PRICKLE2: variants seen among roughly 807,000 people sequenced by gnomAD.
PRICKLE2 encodes the protein prickle-like protein 2.
In PRICKLE2, 21 loss-of-function variants were observed where a neutral mutation model predicts 81.4. The observed-to-expected ratio is 0.26, with a 90% CI of 0.18 to 0.37. The LOEUF (loss-of-function observed/expected upper bound fraction) is 0.37, where lower values mean the gene tolerates loss of function less well. PRICKLE2 is among the 10% of genes least tolerant of loss of function. The pLI, the probability that PRICKLE2 is intolerant of heterozygous loss-of-function variation, is 1.00. For synonymous variants in PRICKLE2, 456 were observed against 421.5 expected, an observed-to-expected ratio of 1.08 and a Z score of -1.00; for missense variants, 940 against 1,109.0, an observed-to-expected ratio of 0.85 and a Z score of 2.16.
At chr3:64,179,008 TTTCTTTCTTTCTTTCTTTCTTTCTTTC>T (rs2078076698) in intron 2 of PRICKLE2, among the ~76,000 whole-genome samples, 1 of 147,952 alleles carries the variant, frequency 6.8e-6, no homozygotes, top group Non-Finnish European at 1.5e-5. Flanking sequence ...TCTTTCTTTC[TTTCTTTCTTTCTTTCTTTCTTTCTTTC>T]TTTTCTTTCC....
At chr3:64,194,865 G>C (rs997351032) in intron 2 of PRICKLE2, among the ~76,000 whole-genome samples, 2 of 151,908 alleles carry the variant, frequency 1.3e-5, no homozygotes, top group East Asian at 1.9e-4. Flanking sequence ...AACATAGTGA[G>C]ACCCCCTTCT....
At chr3:64,266,566 T>C (rs1314826033) in intron 2 of PRICKLE2, among the ~76,000 whole-genome samples, 1 of 152,176 alleles carries the variant, frequency 6.6e-6, no homozygotes, top group Admixed American at 6.5e-5. Context: ...TATAAATTCT[T>C]CACTGCCCAG....
At position 64,163,136 on chromosome 3, in the gene PRICKLE2, G is replaced by A. The variant is rs1559550110; in HGVS notation, c.145-7C>T. ...AGCTATAGTACTGGTGTACCTGAAG[G>A]ACAGAAAGCATATAGATGACTTGCC... On this transcript the variant is annotated splice_region_variant and splice_polypyrimidine_tract_variant and intron_variant, in intron 2 of 7. Coordinates refer to ENST00000638394, the MANE Select transcript of PRICKLE2 (RefSeq NM_198859.4). 2 of 1,530,506 alleles carry A rather than the reference G, an allele frequency of 1.3e-6. No individual in the cohort carries two copies. Among genetic ancestry groups the A allele is most frequent in the Non-Finnish European group, 1.8e-6 (2 of 1,103,872 alleles). The allele number at this position is 1,530,506 out of a possible 1,614,324, so 94.8% of individuals were successfully genotyped here.
chr3:64,240,965 G>A (rs1283638845), intron 2 of PRICKLE2, among the ~76,000 whole-genome samples: 1 of 152,150 alleles, frequency 6.6e-6, no homozygotes, highest in Non-Finnish European at 1.5e-5. Context: ...TGGTGGCATG[G>A]AGCTGGAATT....
At chr3:64,140,622 G>A (rs2077345501) in intron 7 of PRICKLE2, among the ~76,000 whole-genome samples, 1 of 152,182 alleles carries the variant, frequency 6.6e-6, no homozygotes, top group South Asian at 2.1e-4. Context: ...CCTGGTCCCA[G>A]TGTGTGGCTT....
intron 7 of PRICKLE2, among the ~76,000 whole-genome samples, chr3:64,122,679 G>A (rs1400574139): frequency 6.6e-6 from 1 of 152,116 alleles, no homozygotes; most frequent in African/African-American, 2.4e-5. Flanking sequence ...TCTGTGACCT[G>A]CCAAAGCCCC....
intron 2 of PRICKLE2, among the ~76,000 whole-genome samples, chr3:64,236,883 A>G (rs1229419362): frequency 6.6e-6 from 1 of 152,220 alleles, no homozygotes; most frequent in East Asian, 1.9e-4. Context: ...CAGTAAGTGT[A>G]AGGTACTATT....
At chr3:64,213,414 G>C (rs990023539) in intron 1 of PRICKLE2, among the ~76,000 whole-genome samples, 1 of 152,202 alleles carries the variant, frequency 6.6e-6, no homozygotes, top group African/African-American at 2.4e-5. Flanking sequence ...CAATAAGGCA[G>C]ACAGGTTAGA....
chr3:64,153,146 C>T, intron 6 of PRICKLE2, 36 bp downstream of exon 6: 5 of 1,602,132 alleles, frequency 3.1e-6, no homozygotes, highest in Non-Finnish European at 4.3e-6. Context: ...GACCGCATCA[C>T]AGAAGGACCA....
At chr3:64,192,577 A>T (rs530297826) in intron 2 of PRICKLE2, among the ~76,000 whole-genome samples, 1 of 152,208 alleles carries the variant, frequency 6.6e-6, no homozygotes, top group South Asian at 2.1e-4. Context: ...AATTTTATAC[A>T]CTCCCAAAAG....
At chr3:64,109,530 T>C (rs1304512594) in intron 7 of PRICKLE2, among the ~76,000 whole-genome samples, 1 of 152,136 alleles carries the variant, frequency 6.6e-6, no homozygotes, top group Non-Finnish European at 1.5e-5. Flanking sequence ...AAGGAATGAT[T>C]TCCTCTGCCA....
rs752217754 is a variant in PRICKLE2, at chr3:64,099,839, C to T, written c.1747G>A (p.Val583Met). 2 of 1,614,212 alleles carry T rather than the reference C, an allele frequency of 1.2e-6. No individual in the cohort carries two copies. Among genetic ancestry groups the T allele is most frequent in the East Asian group, 4.5e-5 (2 of 44,876 alleles). Reference protein sequence around the residue: ...PDLSKDSGMNVSEKLSNMGTL... With the variant: ...PDLSKDSGMNMSEKLSNMGTL... ...CCCATGTTGCTCAGCTTCTCAGACACATTCATTCCAGAGTCTTTGCTGAGG... is the reference window on the plus strand; with the variant it reads ...CCCATGTTGCTCAGCTTCTCAGACATATTCATTCCAGAGTCTTTGCTGAGG... The change falls in exon 8 of 8, where the codon GTG becomes ATG. Residue 583 changes from valine to methionine, a missense_variant. Around this residue, in one of 2 missense-constraint regions of PRICKLE2, gnomAD observed 670 missense variants for 717.2 expected, o/e 0.93. Transcript: ENST00000638394. This position sits in a 1 kb window ranked among gnomAD's most constrained non-coding sequence, Gnocchi z 4.3.
At chr3:64,254,806 T>C (rs1195754451) in intron 2 of PRICKLE2, among the ~76,000 whole-genome samples, 1 of 152,178 alleles carries the variant, frequency 6.6e-6, no homozygotes, top group Non-Finnish European at 1.5e-5. Context: ...CAGTCAGAAA[T>C]AGTACAGTTG....
At chr3:64,159,765 G>T in intron 4 of PRICKLE2, 175 bp downstream of exon 4, 1 of 754,752 alleles carries the variant, frequency 1.3e-6, no homozygotes, top group Non-Finnish European at 2.3e-6. Flanking sequence ...TATATTGTCT[G>T]ACTTCCTCCC....
chr3:64,163,419 C>T, intron 2 of PRICKLE2: 1 of 469,086 alleles, frequency 2.1e-6, no homozygotes, highest in Non-Finnish European at 3.9e-6. Context: ...GCTGGTGAAC[C>T]AGAGGGTAGG....
intron 2 of PRICKLE2, among the ~76,000 whole-genome samples, chr3:64,265,846 A>G (rs766547626): frequency 2.0e-5 from 3 of 152,248 alleles, no homozygotes; most frequent in Non-Finnish European, 4.4e-5. Flanking sequence ...AAAGAAGCCA[A>G]GAGTTTTTCC....
upstream of PRICKLE2, among the ~76,000 whole-genome samples, chr3:64,227,538 C>T (rs1324290711): frequency 2.6e-5 from 4 of 152,144 alleles, no homozygotes; most frequent in Admixed American, 2.6e-4. Flanking sequence ...TTACTCTTCA[C>T]CTGGAACAGA....
At chr3:64,173,959 G>A (rs1182679909) in intron 2 of PRICKLE2, among the ~76,000 whole-genome samples, 1 of 152,016 alleles carries the variant, frequency 6.6e-6, no homozygotes, top group Non-Finnish European at 1.5e-5. Context: ...TTATGTATTG[G>A]CAGGTGTTTT....
Position 64,146,932 on chromosome 3 carries a change from T to G in PRICKLE2, c.1558A>C (p.Thr520Pro). Reference protein sequence around the residue: ...EGGLSTQQCRTRHPISSLKYT... With the variant: ...EGGLSTQQCRPRHPISSLKYT... ...TTCAGGGAACTGATGGGATGACGGG[T>G]CCGACACTGCTGAGTGGACAAGCCC... is the stretch of plus-strand genomic sequence containing the variant. Residue 520 changes from threonine (T) to proline (P), a missense_variant, in exon 7 of 8, where the codon ACC becomes CCC. This residue lies in a region of PRICKLE2 where 670 missense variants were observed against 717.2 expected (regional missense o/e 0.93). Coordinates refer to ENST00000638394, the MANE Select transcript of PRICKLE2 (RefSeq NM_198859.4). 3 of 1,614,062 alleles carry G rather than the reference T, an allele frequency of 1.9e-6. No individual in the cohort carries two copies. Among genetic ancestry groups the G allele is most frequent in the Non-Finnish European group, 2.5e-6 (3 of 1,180,006 alleles).
Sources: gnomAD v4.1 joint callset for allele counts (sites outside exome capture counted in the v4.1 genomes callset) on GRCh38, gnomAD v4.1.1 for gene constraint, gnomAD v4.1.1 regional missense constraint, Gnocchi (gnomAD v3.1) non-coding constraint, MANE v1.5 for transcripts, NCBI Gene and HGNC (gene_info 2026-07-23, HGNC 2026-07-21) for gene names.